Variants in SNTG2 observed in about 807,000 individuals in gnomAD.
SNTG2 encodes gamma-2-syntrophin.
In SNTG2, 74 loss-of-function variants were observed where a neutral mutation model predicts 70.9. That is an observed-to-expected ratio of 1.04 (90% CI 0.86 to 1.27). The LOEUF (loss-of-function observed/expected upper bound fraction) is 1.27, where lower values mean the gene tolerates loss of function less well. SNTG2 is among the 50% of genes most tolerant of loss of function. The pLI is 0.00. For synonymous variants in SNTG2, 278 were observed against 273.8 expected, an observed-to-expected ratio of 1.02 and a Z score of -0.15; for missense variants, 717 against 690.7, an observed-to-expected ratio of 1.04 and a Z score of -0.43.
chr2:999,005 G>T (rs904656226), intron 1 of SNTG2, among the ~76,000 whole-genome samples: 2 of 152,072 alleles, frequency 1.3e-5, no homozygotes, highest in African/African-American at 4.8e-5. Context: ...GCTTCTTAAT[G>T]ATAAAAACTG....
chr2:1,062,421 A>G (rs1662883118), intron 1 of SNTG2, among the ~76,000 whole-genome samples: 1 of 152,210 alleles, frequency 6.6e-6, no homozygotes, highest in African/African-American at 2.4e-5. Context: ...ATTTTTTCTC[A>G]TGGTTTTGGG....
chr2:1,097,663 A>G lies in SNTG2; in HGVS notation c.211-533A>G, dbSNP rs1182345512. ...ATTGTGCTTTTAGCTTTTTATCACA[A>G]CCTACCCTTAAATATCCCAGACATC... On this transcript the variant is annotated intron_variant, in intron 2 of 16. Transcript: ENST00000308624. The surrounding 1 kb of genome is among the most constrained non-coding windows in gnomAD (Gnocchi z 4.1). Among the ~76,000 whole-genome samples, 3 of 152,108 alleles carry G rather than the reference A, an allele frequency of 2.0e-5. No individual in the cohort carries two copies. Among genetic ancestry groups the G allele is most frequent in the Non-Finnish European group, 4.4e-5 (3 of 68,028 alleles).
intron 6 of SNTG2, chr2:1,161,314 T>G (rs1670257152): frequency 6.6e-6 from 1 of 152,116 alleles, no homozygotes; most frequent in Admixed American, 6.5e-5. Flanking sequence ...TCAATCAAAT[T>G]TAAACAATGG....
chr2:1,308,476 A>G lies in SNTG2; in HGVS notation c.1285-18A>G, dbSNP rs1558195189. ...CATTATTAAAGAATGTTTTCTCAAA[A>G]TTGATACTTTTTTCTAGTCCAGAAC... On this transcript the variant is annotated intron_variant, in intron 14 of 16. Transcript: ENST00000308624. The G allele has an allele frequency of 2.6e-6, 4 of 1,548,274 alleles. No individual in the cohort carries two copies. The highest frequency in any genetic ancestry group is 3.5e-6 in the Non-Finnish European group (4 of 1,144,374).
At chr2:1,039,651 C>T (rs1242969302) in intron 1 of SNTG2, among the ~76,000 whole-genome samples, 2 of 152,116 alleles carry the variant, frequency 1.3e-5, no homozygotes, top group African/African-American at 4.8e-5. Flanking sequence ...TCATGACTGG[C>T]GTTTGGCTCT....
At chr2:1,277,955 G>C (rs1317015210) in intron 14 of SNTG2, among the ~76,000 whole-genome samples, 1 of 152,184 alleles carries the variant, frequency 6.6e-6, no homozygotes, top group Non-Finnish European at 1.5e-5. Context: ...GGAAGATAAC[G>C]CTTTTCTGGT....
At chr2:1,322,705 G>A (rs1018922851) in intron 16 of SNTG2, among the ~76,000 whole-genome samples, 2 of 151,682 alleles carry the variant, frequency 1.3e-5, no homozygotes, top group African/African-American at 4.8e-5. Context: ...TTCCTACTGG[G>A]GTACCTGAGT....
intron 11 of SNTG2, among the ~76,000 whole-genome samples, chr2:1,243,985 C>T (rs1312703495): frequency 6.6e-6 from 1 of 152,174 alleles, no homozygotes; most frequent in Non-Finnish European, 1.5e-5. Context: ...AAGAGCGTGC[C>T]ACTGCACTCC....
At chr2:974,596 A>C (rs531433861) in intron 1 of SNTG2, among the ~76,000 whole-genome samples, 1 of 152,140 alleles carries the variant, frequency 6.6e-6, no homozygotes, top group Non-Finnish European at 1.5e-5. Flanking sequence ...GATTTTCTGA[A>C]TCATTCATGA....
At chr2:968,833 T>C (rs2147953999) in intron 1 of SNTG2, among the ~76,000 whole-genome samples, 1 of 152,324 alleles carries the variant, frequency 6.6e-6, no homozygotes, top group South Asian at 2.1e-4. Context: ...TTTTACTCTA[T>C]TGATAAGTTT....
intron 4 of SNTG2, among the ~76,000 whole-genome samples, chr2:1,124,396 G>A (rs1667576446): frequency 6.6e-6 from 1 of 151,188 alleles, no homozygotes; most frequent in African/African-American, 2.4e-5. Flanking sequence ...CCAGGTTCAT[G>A]CCATTCTCCT....
intron 16 of SNTG2, among the ~76,000 whole-genome samples, chr2:1,355,984 C>T (rs984917272): frequency 6.6e-6 from 1 of 152,196 alleles, no homozygotes; most frequent in Non-Finnish European, 1.5e-5. Flanking sequence ...ACTTGAATGT[C>T]ATCTTTAGAG....
At chr2:1,092,781 C>T (rs1665116721) in intron 2 of SNTG2, among the ~76,000 whole-genome samples, 3 of 152,160 alleles carry the variant, frequency 2.0e-5, no homozygotes, top group East Asian at 1.9e-4. Context: ...GAAAATAGCT[C>T]GTTCTTAAAA....
At chr2:1,135,474 C>T (rs1028714788) in intron 4 of SNTG2, among the ~76,000 whole-genome samples, 40 of 152,220 alleles carry the variant, frequency 2.6e-4, no homozygotes, top group Admixed American at 9.8e-4. Context: ...AATCCCAGCA[C>T]TTTGGGAGGC....
rs4437004 is a variant in SNTG2 at position 1,305,463 on chromosome 2, G to A, written c.1285-3031G>A. Among the ~76,000 whole-genome samples, 1,206 of 152,324 alleles carry A rather than the reference G, an allele frequency of 7.9e-3. 21 individuals are homozygous for A. Among genetic ancestry groups the A allele is most frequent in the African/African-American group, 0.027 (1,136 of 41,574 alleles). On this transcript the variant is annotated intron_variant, in intron 14 of 16. Transcript: ENST00000308624. Reference sequence around the variant, plus strand: ...ACCCTTCCTTCAGGATTTGGGGTGTGTGTGCCAATTAGAGTTTCTTCCAAG... The same window carrying A: ...ACCCTTCCTTCAGGATTTGGGGTGTATGTGCCAATTAGAGTTTCTTCCAAG...
At position 959,247 on chromosome 2, in the gene SNTG2, A is replaced by G. The variant is rs534563931; in HGVS notation, c.72+8179A>G. On this transcript the variant is annotated intron_variant, in intron 1 of 16. Transcript: ENST00000308624. ...CAAACCCACTAGGAAACAGCTGCAT[A>G]TGTGAATTACGTGCTTTGTAAGCGC... Among the ~76,000 whole-genome samples, 6 of 152,352 alleles carry G rather than the reference A, an allele frequency of 3.9e-5. No homozygotes were observed. In the East Asian group the frequency reaches 1.2e-3, roughly 29 times the overall value.
At chr2:1,214,997 G>A (rs1300617458) in intron 9 of SNTG2, among the ~76,000 whole-genome samples, 4 of 152,100 alleles carry the variant, frequency 2.6e-5, no homozygotes, top group Non-Finnish European at 4.4e-5. Flanking sequence ...CAATGTTATG[G>A]TTTTTGTCTT....
intron 6 of SNTG2, chr2:1,160,913 T>A (rs995300940): frequency 6.6e-6 from 1 of 152,260 alleles, no homozygotes; most frequent in African/African-American, 2.4e-5. Context: ...ATGGCTAAGC[T>A]GACTCAAACA....
intron 1 of SNTG2, among the ~76,000 whole-genome samples, chr2:1,037,862 G>A (rs1055409244): frequency 1.3e-5 from 2 of 152,140 alleles, no homozygotes; most frequent in Admixed American, 1.3e-4. Flanking sequence ...CTTTCTGGTC[G>A]TCTTTAAGCT....
Sources: gnomAD v4.1 joint callset for allele counts (sites outside exome capture counted in the v4.1 genomes callset) on GRCh38, gnomAD v4.1.1 for gene constraint, Gnocchi (gnomAD v3.1) non-coding constraint, MANE v1.5 for transcripts, NCBI Gene and HGNC (gene_info 2026-07-23, HGNC 2026-07-21) for gene names.